Variants in SLC18A1 observed in about 807,000 individuals in gnomAD.
The protein encoded by SLC18A1 is chromaffin granule amine transporter.
A neutral mutation model predicts 53.7 loss-of-function variants in SLC18A1; 69 were observed. The observed-to-expected ratio is 1.28, with a 90% CI of 1.06 to 1.57. The LOEUF is 1.57. SLC18A1 is among the 40% of genes most tolerant of loss of function. The probability of loss-of-function intolerance (pLI) is 0.00; values close to 1 mark genes in which losing one functional copy is unlikely to be tolerated. For missense variants in SLC18A1, 932 were observed against 668.1 expected, an observed-to-expected ratio of 1.40 and a Z score of -4.35; for synonymous variants, 320 against 248.1, an observed-to-expected ratio of 1.29 and a Z score of -2.72.
intron 10 of SLC18A1, among the ~76,000 whole-genome samples, chr8:20,163,863 G>C (rs1023493907): frequency 1.3e-5 from 2 of 152,138 alleles, no homozygotes; most frequent in African/African-American, 4.8e-5. Flanking sequence ...AACTGAGAAT[G>C]GTCCCTAGGC....
intron 1 of SLC18A1, among the ~76,000 whole-genome samples, chr8:20,181,424 T>C (rs956404025): frequency 1.5e-4 from 23 of 152,258 alleles, no homozygotes; most frequent in African/African-American, 5.3e-4. Flanking sequence ...ATTTACTTCA[T>C]CTTTTTCCTC....
intron 8 of SLC18A1, among the ~76,000 whole-genome samples, chr8:20,168,971 T>C (rs2072042364): frequency 6.6e-6 from 1 of 151,950 alleles, no homozygotes; most frequent in South Asian, 2.1e-4. Context: ...GAAAGGAAAT[T>C]TAAGGAGGAG....
intron 1 of SLC18A1, among the ~76,000 whole-genome samples, chr8:20,182,444 T>C (rs2072452824): frequency 6.6e-6 from 1 of 152,234 alleles, no homozygotes. Context: ...CTCAATTGTC[T>C]AAATATAAAT....
chr8:20,165,069 G>A lies in SLC18A1; in HGVS notation c.897C>T (p.Asp299=), dbSNP rs267601846. ...KGTPLFMLLK[D]PYILVAAGSI... is the part of the protein sequence containing the mutation. ...TACCTGCAGCCACCAGGATGTAAGG[G>A]TCTTTGAGAAGCATAAAGAGGGGAG... The change falls in exon 9 of 16, where the codon GAC becomes GAT. Residue 299 remains aspartate, a synonymous_variant. Transcript: ENST00000276373. The A allele has an allele frequency of 6.2e-7, 1 of 1,614,220 alleles. No individual in the cohort carries two copies. Among genetic ancestry groups the A allele is most frequent in the Non-Finnish European group, 8.5e-7 (1 of 1,180,030 alleles).
intron 10 of SLC18A1, among the ~76,000 whole-genome samples, chr8:20,159,366 A>C (rs900180119): frequency 1.1e-4 from 17 of 152,142 alleles, no homozygotes; most frequent in African/African-American, 4.1e-4. Flanking sequence ...TAGCTGGGGA[A>C]GGTGACCACA....
chr8:20,159,657 AAAAAAAG>A (rs1443621850), intron 10 of SLC18A1, among the ~76,000 whole-genome samples: 3 of 133,242 alleles, frequency 2.3e-5, no homozygotes, highest in Non-Finnish European at 5.0e-5. Context: ...AAAAAAAAAA[AAAAAAAG>A]AAAGAAAAAG....
intron 15 of SLC18A1, among the ~76,000 whole-genome samples, chr8:20,146,241 A>G (rs963718634): frequency 4.0e-5 from 6 of 151,694 alleles, no homozygotes; most frequent in Non-Finnish European, 5.9e-5. Context: ...TTTTTTACCA[A>G]TCTCCTCATT....
At chr8:20,152,119 C>G (rs528722867) in intron 10 of SLC18A1, among the ~76,000 whole-genome samples, 1 of 152,140 alleles carries the variant, frequency 6.6e-6, no homozygotes, top group African/African-American at 2.4e-5. Context: ...AAAGAGAGCA[C>G]TTCAAGCAGA....
intron 4 of SLC18A1, among the ~76,000 whole-genome samples, chr8:20,176,341 C>A (rs1223738892): frequency 6.6e-6 from 1 of 152,158 alleles, no homozygotes; most frequent in Non-Finnish European, 1.5e-5. Context: ...CTCCCTGAGG[C>A]CCGCACCAGA....
In SLC18A1 at chr8:20,147,306, A is replaced by C; in HGVS notation, c.1416T>G (p.Ala472=). 1 of 1,613,546 alleles carries C rather than the reference A, an allele frequency of 6.2e-7. No homozygotes were observed. Among genetic ancestry groups the C allele is most frequent in the African/African-American group, 1.3e-5 (1 of 75,002 alleles). The change falls in exon 15 of 16, where the codon GCT becomes GCG. Residue 472 remains alanine (A), a synonymous_variant. Coordinates refer to ENST00000276373, the MANE Select transcript of SLC18A1 (RefSeq NM_003053.4). ...VITGVINIVY[A]PLCYYLRSPP... ...GGCTCCGCAGGTAGTAGCAGAGTGG[A>C]GCATAGACGATGTTGATGACCCCAG...
chr8:20,161,344 A>G (rs919305593), intron 10 of SLC18A1, among the ~76,000 whole-genome samples: 2 of 152,212 alleles, frequency 1.3e-5, no homozygotes, highest in African/African-American at 4.8e-5. Context: ...GATCAAAAAT[A>G]TATGAGGAAA....
chr8:20,151,523 C>G (rs531111859), intron 10 of SLC18A1, among the ~76,000 whole-genome samples: 1 of 152,106 alleles, frequency 6.6e-6, no homozygotes, highest in African/African-American at 2.4e-5. Context: ...ATTACTAAAC[C>G]TTTCTGAGCC....
At chr8:20,179,979 G>T (rs116840485) in intron 2 of SLC18A1, among the ~76,000 whole-genome samples, 7 of 152,182 alleles carry the variant, frequency 4.6e-5, no homozygotes, top group Non-Finnish European at 8.8e-5. Context: ...CCTGGACAGG[G>T]TTTGAATCCC....
At chr8:20,150,780 T>C (rs376515342) in intron 10 of SLC18A1, 36 bp from the exon 11 acceptor site, 2 of 1,565,438 alleles carry the variant, frequency 1.3e-6, no homozygotes, top group Admixed American at 1.7e-5. Context: ...TTAGGACATG[T>C]CCAATTTACT....
chr8:20,167,018 G>A (rs564707385), intron 8 of SLC18A1, among the ~76,000 whole-genome samples: 11 of 151,988 alleles, frequency 7.2e-5, no homozygotes, highest in East Asian at 5.8e-4. Flanking sequence ...CTCCAGAGTC[G>A]TGAGAAAATA....
In SLC18A1 at chr8:20,159,803, C is replaced by T. The variant is rs182919999; in HGVS notation, c.1015+5066G>A. Among the ~76,000 whole-genome samples the T allele has an allele frequency of 3.3e-5, 5 of 152,250 alleles. No individual in the cohort carries two copies. The East Asian group carries it at 7.7e-4, about 24-fold the overall frequency. On this transcript the variant is annotated intron_variant, in intron 10 of 15. Coordinates refer to ENST00000276373, the MANE Select transcript of SLC18A1 (RefSeq NM_003053.4). ...TGCCTGTCGCAGAGTAAGGGCCCTA[C>T]AAGCACTGGTCTTGATTATTATCAT...
chr8:20,152,181 T>C (rs1050725656), intron 10 of SLC18A1, among the ~76,000 whole-genome samples: 1 of 152,128 alleles, frequency 6.6e-6, no homozygotes, highest in Non-Finnish European at 1.5e-5. Flanking sequence ...ATCATTTAGT[T>C]TGCTCTAAGA....
At chr8:20,162,015 T>C (rs1170356921) in intron 10 of SLC18A1, among the ~76,000 whole-genome samples, 1 of 152,156 alleles carries the variant, frequency 6.6e-6, no homozygotes, top group Non-Finnish European at 1.5e-5. Flanking sequence ...TCTGCGCACG[T>C]GCAAAATTTG....
chr8:20,173,628 T>C (rs918888776), intron 5 of SLC18A1, among the ~76,000 whole-genome samples: 2 of 152,200 alleles, frequency 1.3e-5, no homozygotes, highest in African/African-American at 4.8e-5. Flanking sequence ...AATGCCAACT[T>C]CATAAGATTG....
Sources: gnomAD v4.1 joint callset for allele counts (sites outside exome capture counted in the v4.1 genomes callset) on GRCh38, gnomAD v4.1.1 for gene constraint, MANE v1.5 for transcripts, NCBI Gene and HGNC (gene_info 2026-07-23, HGNC 2026-07-21) for gene names.